RALGAPA2: variants seen among roughly 807,000 people sequenced by gnomAD.
RALGAPA2 encodes ral GTPase-activating protein subunit alpha-2.
A neutral mutation model predicts 230.4 loss-of-function variants in RALGAPA2; 139 were observed. The observed-to-expected ratio is 0.60, with a 90% confidence interval of 0.53 to 0.69. The LOEUF is 0.69. Among genes scored for constraint, RALGAPA2 ranks in the 30% least tolerant of loss-of-function variants. RALGAPA2 has a pLI of 0.00. For missense variants in RALGAPA2, 2,163 were observed against 2,276.0 expected, an observed-to-expected ratio of 0.95 and a Z score of 1.01; for synonymous variants, 847 against 837.8, an observed-to-expected ratio of 1.01 and a Z score of -0.19.
chr20:20,527,966 C>T (rs1054147591), intron 27 of RALGAPA2, among the ~76,000 whole-genome samples: 4 of 152,120 alleles, frequency 2.6e-5, no homozygotes, highest in Admixed American at 1.3e-4. Flanking sequence ...ACAGACAAGA[C>T]ACAAAAGCTA....
At chr20:20,402,035 C>T (rs1350432050) in intron 38 of RALGAPA2, among the ~76,000 whole-genome samples, 1 of 152,214 alleles carries the variant, frequency 6.6e-6, no homozygotes, top group East Asian at 1.9e-4. Context: ...GTTGTTCATT[C>T]CTGTGGGTGG....
chr20:20,570,618 C>T (rs926507678), intron 23 of RALGAPA2, among the ~76,000 whole-genome samples: 28 of 152,172 alleles, frequency 1.8e-4, no homozygotes, highest in Admixed American at 1.6e-3. Flanking sequence ...ATCCCCAATG[C>T]TACCGGCTTA....
At chr20:20,594,557 T>G (rs1350194712) in intron 16 of RALGAPA2, among the ~76,000 whole-genome samples, 2 of 152,104 alleles carry the variant, frequency 1.3e-5, no homozygotes, top group South Asian at 4.1e-4. Flanking sequence ...ATTTTGAATA[T>G]CACACAATTT....
intron 1 of RALGAPA2, among the ~76,000 whole-genome samples, chr20:20,707,018 C>CA (rs1568782013): frequency 6.6e-6 from 1 of 152,164 alleles, no homozygotes; most frequent in African/African-American, 2.4e-5. Context: ...CACAACCCCC[C>CA]AGACACGCCA....
At chr20:20,555,527 T>C (rs73290993) in intron 23 of RALGAPA2, among the ~76,000 whole-genome samples, 1 of 152,340 alleles carries the variant, frequency 6.6e-6, no homozygotes, top group African/African-American at 2.4e-5. Context: ...GCTATCTTAA[T>C]AATATTAAGT....
chr20:20,514,054 C>T (rs1274849847), intron 31 of RALGAPA2, among the ~76,000 whole-genome samples: 1 of 152,238 alleles, frequency 6.6e-6, no homozygotes, highest in Non-Finnish European at 1.5e-5. Context: ...GGCAGGACTC[C>T]AGGCAGTAAG....
At chr20:20,575,158 C>G (rs1392589771) in intron 20 of RALGAPA2, among the ~76,000 whole-genome samples, 1 of 152,036 alleles carries the variant, frequency 6.6e-6, no homozygotes, top group Non-Finnish European at 1.5e-5. Context: ...TATCTATACT[C>G]ATGCCCCTCT....
At chr20:20,534,444 C>CAA (rs57040968) in intron 26 of RALGAPA2, among the ~76,000 whole-genome samples, 1 of 109,020 alleles carries the variant, frequency 9.2e-6, no homozygotes. Flanking sequence ...GACCCCATCT[C>CAA]AAAAAAAAAA....
intron 23 of RALGAPA2, among the ~76,000 whole-genome samples, chr20:20,548,365 CT>C (rs1291478653): frequency 1.3e-5 from 2 of 151,988 alleles, no homozygotes; most frequent in Admixed American, 1.3e-4. Flanking sequence ...TTTCCTAAGA[CT>C]TTTTTTTCTT....
chr20:20,550,027 G>A (rs1052386221), intron 23 of RALGAPA2, among the ~76,000 whole-genome samples: 8 of 152,056 alleles, frequency 5.3e-5, no homozygotes, highest in African/African-American at 9.7e-5. Flanking sequence ...GGGAACAGGC[G>A]CTATTTGGTC....
chr20:20,507,325 T>C (rs1180673889), intron 33 of RALGAPA2, among the ~76,000 whole-genome samples: 2 of 152,196 alleles, frequency 1.3e-5, no homozygotes, highest in African/African-American at 4.8e-5. Flanking sequence ...TTAAAGATAA[T>C]CTTTAATGTT....
intron 38 of RALGAPA2, among the ~76,000 whole-genome samples, chr20:20,407,248 C>T (rs2059965492): frequency 6.6e-6 from 1 of 152,158 alleles, no homozygotes; most frequent in African/African-American, 2.4e-5. Flanking sequence ...ACATACAATT[C>T]AAAAGAAGCA....
intron 36 of RALGAPA2, among the ~76,000 whole-genome samples, chr20:20,484,722 T>C (rs1405710708): frequency 6.6e-6 from 1 of 152,134 alleles, no homozygotes; most frequent in Non-Finnish European, 1.5e-5. Flanking sequence ...AAGATTAAGA[T>C]AAAATAACAA....
chr20:20,482,996 C>G (rs2061817123), intron 36 of RALGAPA2, among the ~76,000 whole-genome samples: 1 of 152,212 alleles, frequency 6.6e-6, no homozygotes, highest in South Asian at 2.1e-4. Context: ...GAAAGCAACA[C>G]AGAGCACCAG....
At chr20:20,526,500 C>T in intron 27 of RALGAPA2, 138 bp from the exon 28 acceptor site, 4 of 590,322 alleles carry the variant, frequency 6.8e-6, no homozygotes, top group Admixed American at 3.6e-5. Flanking sequence ...AAAAATATGT[C>T]CTATTACCAC....
intron 27 of RALGAPA2, among the ~76,000 whole-genome samples, chr20:20,527,208 C>A (rs2063229870): frequency 6.6e-6 from 1 of 152,138 alleles, no homozygotes; most frequent in African/African-American, 2.4e-5. Flanking sequence ...ATGAAGCAGA[C>A]CATCATCAAC....
chr20:20,408,382 T>C (rs2122736198), intron 38 of RALGAPA2, among the ~76,000 whole-genome samples: 1 of 152,320 alleles, frequency 6.6e-6, no homozygotes, highest in Admixed American at 6.5e-5. Context: ...CTCCAAAATT[T>C]TTAGATCCAG....
chr20:20,579,241 T>C (rs753597748), intron 20 of RALGAPA2, among the ~76,000 whole-genome samples: 1 of 152,244 alleles, frequency 6.6e-6, no homozygotes, highest in Non-Finnish European at 1.5e-5. Context: ...TCTTTTCAGC[T>C]ATATAAAACA....
intron 36 of RALGAPA2, among the ~76,000 whole-genome samples, chr20:20,489,033 AG>A (rs1282725098): frequency 2.6e-5 from 4 of 152,214 alleles, no homozygotes; most frequent in African/African-American, 9.7e-5. Context: ...ATGAAAGGCC[AG>A]GGGAAGGGTG....
Sources: allele counts gnomAD v4.1 joint callset (sites outside exome capture counted in the v4.1 genomes callset), GRCh38; gene constraint gnomAD v4.1.1; transcripts MANE v1.5; gene names NCBI Gene and HGNC (gene_info 2026-07-23, HGNC 2026-07-21).